Variants in PSMD12 observed in about 807,000 individuals in gnomAD.
PSMD12 encodes the protein proteasome 26S subunit, non-ATPase 12.
PSMD12 carries 8 observed loss-of-function variants against 62.9 expected under a neutral mutation model. The observed-to-expected ratio is 0.13, with a 90% CI of 0.07 to 0.23. The LOEUF (loss-of-function observed/expected upper bound fraction) is 0.23. Among genes scored for constraint, PSMD12 ranks in the 10% least tolerant of loss-of-function variants. The pLI, the probability that PSMD12 is intolerant of heterozygous loss-of-function variation, is 1.00. For missense variants in PSMD12, 424 were observed against 550.2 expected (o/e 0.77, Z 2.29); for synonymous variants, 173 against 187.4 (o/e 0.92, Z 0.63).
intron 3 of PSMD12, among the ~76,000 whole-genome samples, chr17:67,352,260 TA>T (rs1043133128): frequency 1.5e-4 from 23 of 152,094 alleles, no homozygotes; most frequent in South Asian, 4.2e-4. Context: ...ACTCAGCTAA[TA>T]TTTTTAAAGT....
chr17:67,349,369 T>A (rs1235377577), intron 4 of PSMD12, among the ~76,000 whole-genome samples: 1 of 152,248 alleles, frequency 6.6e-6, no homozygotes, highest in African/African-American at 2.4e-5. Flanking sequence ...ACAGCTCTTG[T>A]GCACTTTATC....
intron 9 of PSMD12, among the ~76,000 whole-genome samples, chr17:67,342,658 C>A (rs774423901): frequency 1.3e-5 from 2 of 151,986 alleles, no homozygotes; most frequent in Non-Finnish European, 2.9e-5. Context: ...GGAGATCGAT[C>A]GGGTGCAGGG....
At chr17:67,360,587 A>G (rs2042120040) in intron 1 of PSMD12, among the ~76,000 whole-genome samples, 1 of 152,198 alleles carries the variant, frequency 6.6e-6, no homozygotes, top group African/African-American at 2.4e-5. Flanking sequence ...ACTGCAGTTC[A>G]GTGAGCTGCA....
intron 10 of PSMD12, 139 bp from the exon 11 acceptor site, chr17:67,341,191 G>C: frequency 3.0e-6 from 2 of 662,148 alleles, no homozygotes; most frequent in Non-Finnish European, 4.8e-6. Context: ...ACACTCAGCT[G>C]GGTGTGGTGG....
chr17:67,366,381 G>T, intron 1 of PSMD12, 31 bp downstream of exon 1: 5 of 1,589,134 alleles, frequency 3.1e-6, no homozygotes, highest in Admixed American at 1.7e-5. Flanking sequence ...AGCCCCTGGC[G>T]CCCGCCAACA....
intron 10 of PSMD12, 105 bp from the exon 11 acceptor site, chr17:67,341,157 G>A (rs1884556601): frequency 1.1e-6 from 1 of 875,098 alleles, no homozygotes. Context: ...AATATGCAGG[G>A]GAATTCATTC....
chr17:67,366,429 A>T lies in PSMD12; in HGVS notation c.91T>A (p.Cys31Ser). ...CTCCTCACCTTGGCTAGCTTCGCAC[A>T]CTCGGGTAGGCGCTGATCCACCGTG... Reference protein sequence around the residue: ...SATVDQRLPECAKLAKEGRLQ... With the variant: ...SATVDQRLPESAKLAKEGRLQ... The change falls in exon 1 of 11, where the codon TGT becomes AGT. Residue 31 changes from cysteine (C) to serine (S), a missense_variant. By Grantham distance (112) the Cys-to-Ser change is moderately radical. Coordinates refer to ENST00000356126, the MANE Select transcript of PSMD12 (RefSeq NM_002816.5). The T allele has an allele frequency of 6.2e-7, 1 of 1,611,866 alleles. No individual in the cohort carries two copies. The highest frequency in any genetic ancestry group is 8.5e-7 in the Non-Finnish European group (1 of 1,178,912).
chr17:67,365,265 T>C (rs1307552826), intron 1 of PSMD12, among the ~76,000 whole-genome samples: 6 of 151,704 alleles, frequency 4.0e-5, no homozygotes. Context: ...GGGCACCAGC[T>C]CCAGAATCTA....
chr17:67,351,547 A>T (rs183943611), intron 3 of PSMD12, among the ~76,000 whole-genome samples: 32 of 151,992 alleles, frequency 2.1e-4, no homozygotes, highest in Non-Finnish European at 3.4e-4. Context: ...TTTAATGTTT[A>T]AGCAGCTCAG....
chr17:67,344,533 C>T (rs1439090907), intron 9 of PSMD12, 73 bp downstream of exon 9: 3 of 1,387,852 alleles, frequency 2.2e-6, no homozygotes, highest in Non-Finnish European at 2.9e-6. Flanking sequence ...TCAAAATTGC[C>T]AAAATTTAAT....
intron 1 of PSMD12, chr17:67,363,007 C>T (rs752522276): frequency 4.6e-5 from 7 of 152,176 alleles, no homozygotes; most frequent in Non-Finnish European, 8.8e-5. Context: ...TTAGGACAGA[C>T]ATAAAACTGT....
chr17:67,344,448 TAAGTG>T (rs1390375882), intron 9 of PSMD12, among the ~76,000 whole-genome samples, 153 bp downstream of exon 9: 1 of 152,192 alleles, frequency 6.6e-6, no homozygotes, highest in African/African-American at 2.4e-5. Flanking sequence ...AAAAATATCC[TAAGTG>T]AAGAATTAAA....
chr17:67,348,465 G>T, intron 5 of PSMD12, 85 bp downstream of exon 5: 1 of 1,082,638 alleles, frequency 9.2e-7, no homozygotes. Context: ...AAACATTTTG[G>T]ATAAGGGATA....
At chr17:67,356,200 G>A (rs755825032) in intron 3 of PSMD12, among the ~76,000 whole-genome samples, 7 of 152,186 alleles carry the variant, frequency 4.6e-5, no homozygotes, top group African/African-American at 1.7e-4. Context: ...GGCTCAGAGA[G>A]TTTAGTCAAG....
chr17:67,350,445 T>C, intron 3 of PSMD12, 109 bp from the exon 4 acceptor site: 1 of 653,894 alleles, frequency 1.5e-6, no homozygotes, highest in South Asian at 2.6e-5. Flanking sequence ...CAAGTAACTC[T>C]AGACACCAAA....
intron 3 of PSMD12, among the ~76,000 whole-genome samples, chr17:67,352,003 A>G (rs2042023006): frequency 6.6e-6 from 1 of 151,464 alleles, no homozygotes; most frequent in South Asian, 2.1e-4. Flanking sequence ...AGTCTAAGAC[A>G]GGAGAATTGC....
chr17:67,345,713 A>C, intron 8 of PSMD12, 32 bp downstream of exon 8: 2 of 1,541,782 alleles, frequency 1.3e-6, no homozygotes, highest in Non-Finnish European at 1.8e-6. Context: ...GTTTCGACTG[A>C]GATATATCAT....
intron 3 of PSMD12, among the ~76,000 whole-genome samples, chr17:67,356,282 A>T (rs1598572046): frequency 6.6e-6 from 1 of 152,264 alleles, no homozygotes; most frequent in Non-Finnish European, 1.5e-5. Flanking sequence ...TTGCAAAAAA[A>T]TCATATATTG....
chr17:67,356,611 T>TA (rs902413925), intron 3 of PSMD12, among the ~76,000 whole-genome samples: 5 of 125,962 alleles, frequency 4.0e-5, no homozygotes, highest in Admixed American at 1.6e-4. Flanking sequence ...TAGTTACTAC[T>TA]AAAAAAAAAT....
Sources: gnomAD v4.1 joint callset for allele counts (sites outside exome capture counted in the v4.1 genomes callset) on GRCh38, gnomAD v4.1.1 for gene constraint, MANE v1.5 for transcripts, NCBI Gene and HGNC (gene_info 2026-07-23, HGNC 2026-07-21) for gene names.